The following NELL1 variants were observed in gnomAD, a reference collection of about 807,000 sequenced individuals.
NELL1 encodes the protein neural EGFL like 1.
A neutral mutation model predicts 107.4 loss-of-function variants in NELL1; 76 were observed. That is an observed-to-expected ratio of 0.71 (90% confidence interval 0.59 to 0.86). NELL1 has a LOEUF of 0.86. Ranked by LOEUF, NELL1 falls within the 40% of genes least tolerant of loss-of-function variation. The probability of loss-of-function intolerance (pLI) is 0.00; values close to 1 mark genes in which losing one functional copy is unlikely to be tolerated. For missense variants in NELL1, 1,024 were observed against 1,005.5 expected, an observed-to-expected ratio of 1.02 and a Z score of -0.25; for synonymous variants, 353 against 341.2, an observed-to-expected ratio of 1.03 and a Z score of -0.38.
At chr11:21,194,001 T>A (rs1857099435) in intron 13 of NELL1, among the ~76,000 whole-genome samples, 1 of 151,852 alleles carries the variant, frequency 6.6e-6, no homozygotes, top group African/African-American at 2.4e-5. Flanking sequence ...TTATTTCTGT[T>A]GAGCCAGATA....
In NELL1 at chr11:21,340,058, A is replaced by G. The variant is rs149991150; in HGVS notation, c.1550-30795A>G. Among the ~76,000 whole-genome samples, 463 of 152,350 alleles carry G rather than the reference A, an allele frequency of 3.0e-3. 3 individuals are homozygous for G. In the East Asian group the frequency reaches 0.036, roughly 12 times the overall value. ...TACAGTGGCTTTCCTGAGTTATCCT[A>G]TTTAACCAAGAAACCATTGCTACTT... On this transcript the variant is annotated intron_variant, in intron 14 of 19. Transcript: ENST00000357134.
At chr11:20,943,498 G>T (rs770886712) in intron 10 of NELL1, among the ~76,000 whole-genome samples, 2 of 151,914 alleles carry the variant, frequency 1.3e-5, no homozygotes, top group Non-Finnish European at 1.5e-5. Context: ...CAGGGGAATC[G>T]CTTGAACCCA....
At chr11:20,670,192 G>C (rs986105957) in intron 1 of NELL1, among the ~76,000 whole-genome samples, 18 of 152,142 alleles carry the variant, frequency 1.2e-4, no homozygotes, top group Non-Finnish European at 2.1e-4. Context: ...GTAGCTGCGG[G>C]AGTCGCACCC....
chr11:21,485,255 G>C (rs1854595609), intron 15 of NELL1, among the ~76,000 whole-genome samples: 1 of 152,090 alleles, frequency 6.6e-6, no homozygotes. Flanking sequence ...GACTACCAAG[G>C]AGAAAGAGGG....
intron 4 of NELL1, among the ~76,000 whole-genome samples, chr11:20,883,012 T>A (rs1183323482): frequency 2.0e-5 from 3 of 152,254 alleles, no homozygotes; most frequent in African/African-American, 4.8e-5. Flanking sequence ...GTTTTCTTTT[T>A]AAAAAAAATA....
At chr11:21,361,259 A>ATTTTTTTTTTTTTT (rs59239329) in intron 14 of NELL1, among the ~76,000 whole-genome samples, 1 of 113,576 alleles carries the variant, frequency 8.8e-6, no homozygotes. Flanking sequence ...TTGTGTGACA[A>ATTTTTTTTTTTTTT]TTTTTTTTTT....
At chr11:21,010,413 A>G (rs1254199101) in intron 12 of NELL1, among the ~76,000 whole-genome samples, 1 of 152,088 alleles carries the variant, frequency 6.6e-6, no homozygotes, top group Non-Finnish European at 1.5e-5. Flanking sequence ...CTAATACAAT[A>G]GAGCTAGGAT....
intron 16 of NELL1, among the ~76,000 whole-genome samples, chr11:21,539,787 G>A (rs1441303600): frequency 1.3e-5 from 2 of 151,542 alleles, no homozygotes; most frequent in African/African-American, 4.8e-5. Context: ...AGGGTGTGGT[G>A]GGCCAAAAGG....
intron 15 of NELL1, among the ~76,000 whole-genome samples, chr11:21,431,733 G>T (rs535927512): frequency 6.6e-6 from 1 of 152,118 alleles, no homozygotes; most frequent in African/African-American, 2.4e-5. Context: ...GAGTGGCCAC[G>T]ACTGTTTTGC....
chr11:21,436,180 A>G (rs1348468823), intron 15 of NELL1, among the ~76,000 whole-genome samples: 1 of 151,980 alleles, frequency 6.6e-6, no homozygotes, highest in Non-Finnish European at 1.5e-5. Flanking sequence ...TCAGCATCCC[A>G]AGTAGGTGGG....
At chr11:21,530,848 G>T (rs1227417397) in intron 15 of NELL1, among the ~76,000 whole-genome samples, 1 of 152,000 alleles carries the variant, frequency 6.6e-6, no homozygotes, top group Non-Finnish European at 1.5e-5. Flanking sequence ...CTCCATTATA[G>T]CCTTGGTTAA....
At chr11:21,012,699 A>G (rs1233737842) in intron 12 of NELL1, among the ~76,000 whole-genome samples, 1 of 152,082 alleles carries the variant, frequency 6.6e-6, no homozygotes, top group East Asian at 1.9e-4. Context: ...GGGAATGGCA[A>G]ATGCTAATTG....
intron 5 of NELL1, among the ~76,000 whole-genome samples, chr11:20,913,337 A>G (rs1405028082): frequency 2.0e-5 from 3 of 152,186 alleles, no homozygotes; most frequent in African/African-American, 7.2e-5. Flanking sequence ...CTGCAGGGAA[A>G]TAAGAGCGTT....
intron 12 of NELL1, among the ~76,000 whole-genome samples, chr11:20,962,536 C>G (rs1009063044): frequency 6.6e-6 from 1 of 152,166 alleles, no homozygotes; most frequent in African/African-American, 2.4e-5. Context: ...TGAGACCCAG[C>G]AGAATATGAG....
chr11:20,705,441 C>T (rs1348044927), intron 2 of NELL1, among the ~76,000 whole-genome samples: 2 of 151,786 alleles, frequency 1.3e-5, no homozygotes, highest in Non-Finnish European at 2.9e-5. Flanking sequence ...ATAAATGGTG[C>T]TGGGAAAACT....
chr11:20,898,400 T>C (rs1284478542), intron 5 of NELL1, among the ~76,000 whole-genome samples: 1 of 151,622 alleles, frequency 6.6e-6, no homozygotes, highest in African/African-American at 2.4e-5. Context: ...AAGGGGAATA[T>C]CACACACCAG....
At chr11:21,174,621 G>A (rs1231504025) in intron 13 of NELL1, among the ~76,000 whole-genome samples, 1 of 151,738 alleles carries the variant, frequency 6.6e-6, no homozygotes, top group Non-Finnish European at 1.5e-5. Flanking sequence ...GTGGGAGTAT[G>A]GGACATTGTG....
At chr11:21,060,762 C>A (rs1853719667) in intron 12 of NELL1, among the ~76,000 whole-genome samples, 1 of 152,184 alleles carries the variant, frequency 6.6e-6, no homozygotes, top group South Asian at 2.1e-4. Context: ...AGTGCAATGG[C>A]ATGATCTCCG....
At chr11:21,407,277 A>G (rs1044341403) in intron 15 of NELL1, among the ~76,000 whole-genome samples, 1 of 151,968 alleles carries the variant, frequency 6.6e-6, no homozygotes, top group Non-Finnish European at 1.5e-5. Flanking sequence ...TTAGCCAGGC[A>G]TGATGGCGCA....
Sources: gnomAD v4.1 joint callset for allele counts (sites outside exome capture counted in the v4.1 genomes callset) on GRCh38, gnomAD v4.1.1 for gene constraint, MANE v1.5 for transcripts, NCBI Gene and HGNC (gene_info 2026-07-23, HGNC 2026-07-21) for gene names.